The following CNNM2 variants were observed in gnomAD, a reference collection of about 807,000 sequenced individuals.
The protein encoded by CNNM2 is metal transporter CNNM2.
A neutral mutation model predicts 66.9 loss-of-function variants in CNNM2; 12 were observed. That is an observed-to-expected ratio of 0.18 (90% CI 0.11 to 0.29). The LOEUF is 0.29. Among genes scored for constraint, CNNM2 ranks in the 10% least tolerant of loss-of-function variants. CNNM2 has a pLI of 1.00. For synonymous variants in CNNM2, 557 were observed against 501.8 expected, an observed-to-expected ratio of 1.11 and a Z score of -1.47; for missense variants, 705 against 1,167.7, an observed-to-expected ratio of 0.60 and a Z score of 5.77.
At chr10:103,017,265 C>T (rs540421947) in intron 1 of CNNM2, among the ~76,000 whole-genome samples, 7 of 152,196 alleles carry the variant, frequency 4.6e-5, no homozygotes, top group South Asian at 2.1e-4. Flanking sequence ...AGCTAGTAGA[C>T]GAATGCATGA....
At chr10:102,960,857 C>T (rs564580948) in intron 1 of CNNM2, among the ~76,000 whole-genome samples, 8 of 137,732 alleles carry the variant, frequency 5.8e-5, no homozygotes, top group African/African-American at 1.6e-4. Flanking sequence ...ATGATCTTGG[C>T]TTACTACAAC....
chr10:103,076,999 T>C lies in CNNM2; in HGVS notation c.2447T>C (p.Leu816Ser). The change falls in exon 8 of 8, where the codon TTG (leucine) becomes TCG (serine). Residue 816 changes from leucine to serine, a missense_variant. Transcript: ENST00000369878. ...KISRQQYQNALMASRMDKTPQ... is the reference protein window; with the variant it reads ...KISRQQYQNASMASRMDKTPQ... ...TCAAGACAGCAATACCAAAATGCCTTGATGGCATCCCGGATGGACAAAACC... is the reference window on the plus strand; with the variant it reads ...TCAAGACAGCAATACCAAAATGCCTCGATGGCATCCCGGATGGACAAAACC... 1.2e-6 allele frequency: 2 copies of C among 1,613,954 alleles called. No homozygotes were observed. Among genetic ancestry groups the C allele is most frequent in the Non-Finnish European group, 1.7e-6 (2 of 1,179,894 alleles).
chr10:103,077,051 TA>T lies in CNNM2; in HGVS notation c.2503del (p.Ile835SerfsTer3). 1 of 1,613,940 alleles carries T rather than the reference TA, an allele frequency of 6.2e-7. No individual in the cohort carries two copies. Among genetic ancestry groups the T allele is most frequent in the Non-Finnish European group, 8.5e-7 (1 of 1,179,900 alleles). ...TPQSSDSENT[K>X]IELTLTELHD... Reference sequence around the variant, plus strand: ...CCCAGTCTTCAGACAGTGAAAACACTAAAATCGAATTGACTCTTACGGAGCT... The same window carrying T: ...CCCAGTCTTCAGACAGTGAAAACACTAAATCGAATTGACTCTTACGGAGCT... On this transcript the variant is annotated frameshift_variant, in exon 8 of 8. Transcript: ENST00000369878. LOFTEE classifies it high-confidence loss of function.
chr10:102,922,802 G>T (rs919448931), intron 1 of CNNM2, among the ~76,000 whole-genome samples: 8 of 152,016 alleles, frequency 5.3e-5, no homozygotes, highest in Non-Finnish European at 1.2e-4. Context: ...TTAGCTGGGC[G>T]TGGTGGTGTG....
intron 4 of CNNM2, among the ~76,000 whole-genome samples, chr10:103,060,887 C>A (rs2065374373): frequency 6.6e-6 from 1 of 151,788 alleles, no homozygotes; most frequent in East Asian, 1.9e-4. Flanking sequence ...AATAAAAGTC[C>A]TAAATAGCAA....
intron 1 of CNNM2, among the ~76,000 whole-genome samples, chr10:102,941,440 C>T (rs1846429848): frequency 6.9e-6 from 1 of 144,718 alleles, no homozygotes; most frequent in Non-Finnish European, 1.6e-5. Flanking sequence ...AAATAGCCAG[C>T]ATAAAAAAAA....
In CNNM2 at chr10:102,918,584, C is replaced by T. The variant is rs1261945146; in HGVS notation, c.104C>T (p.Ala35Val). Residue 35 changes from alanine (A) to valine (V), a missense_variant, in exon 1 of 8, where the codon GCT (alanine) becomes GTT (valine). Around this residue, in one of 9 missense-constraint regions of CNNM2, gnomAD observed 98 missense variants for 73.6 expected, o/e 1.33. Coordinates refer to ENST00000369878, the MANE Select transcript of CNNM2 (RefSeq NM_017649.5). The surrounding 1 kb of genome is among the most constrained non-coding windows in gnomAD (Gnocchi z 4.1). ...WKMAARRSLS[A>V]RGRGILQAAA... ...ATGGCGGCGCGCCGCAGCCTCAGCG[C>T]TCGCGGCCGGGGGATCCTGCAGGCG... The T allele has an allele frequency of 8.3e-6, 13 of 1,573,362 alleles. No homozygotes were observed. Among genetic ancestry groups the T allele is most frequent in the African/African-American group, 4.2e-5 (3 of 72,148 alleles).
chr10:103,004,440 A>G (rs567542861), intron 1 of CNNM2, among the ~76,000 whole-genome samples: 1 of 152,184 alleles, frequency 6.6e-6, no homozygotes, highest in African/African-American at 2.4e-5. Context: ...TGCATTTCTG[A>G]TAAGTGTGTG....
chr10:102,945,781 T>G (rs940800311), intron 1 of CNNM2, among the ~76,000 whole-genome samples: 1 of 152,236 alleles, frequency 6.6e-6, no homozygotes, highest in African/African-American at 2.4e-5. Flanking sequence ...AGACTCTATG[T>G]ATCCATGTTT....
intron 5 of CNNM2, among the ~76,000 whole-genome samples, chr10:103,069,574 G>C (rs982717585): frequency 2.6e-5 from 4 of 152,226 alleles, no homozygotes; most frequent in Admixed American, 2.0e-4. Flanking sequence ...GGCCAGGCGA[G>C]TCAGCCAGTT....
chr10:102,989,398 A>G (rs1344234926), intron 1 of CNNM2, among the ~76,000 whole-genome samples: 2 of 151,358 alleles, frequency 1.3e-5, no homozygotes, highest in Non-Finnish European at 2.9e-5. Flanking sequence ...TTTGGAGGTT[A>G]CTTCAACAAA....
intron 4 of CNNM2, among the ~76,000 whole-genome samples, chr10:103,057,444 T>C (rs904919390): frequency 4.0e-4 from 60 of 150,702 alleles, no homozygotes; most frequent in African/African-American, 1.4e-3. Flanking sequence ...CCAGCCTGGA[T>C]GACAGAGCAA....
chr10:103,028,315 C>T (rs926261860), intron 1 of CNNM2, among the ~76,000 whole-genome samples: 1 of 152,156 alleles, frequency 6.6e-6, no homozygotes, highest in Non-Finnish European at 1.5e-5. Context: ...ATTCAGTAAA[C>T]ACTTATCTTT....
rs754222358 is a variant in CNNM2, at chr10:103,089,696, TTCA to T, written c.*12525_*12527del. 9.9e-6 allele frequency: 16 copies of T among 1,609,620 alleles called. No homozygotes were observed. Among genetic ancestry groups the T allele is most frequent in the Admixed American group, 3.4e-5 (2 of 59,548 alleles). Reference sequence around the variant, plus strand: ...CTTATTCTTCCTCCTCCTCCTCCTCTTCATCATCATCTTCGTCATGGCAGTGTG... The same window carrying T: ...CTTATTCTTCCTCCTCCTCCTCCTCTTCATCATCTTCGTCATGGCAGTGTG... On this transcript the variant is annotated 3_prime_UTR_variant, in exon 8 of 8. Transcript: ENST00000369878.
At chr10:102,944,298 C>T (rs1460641439) in intron 1 of CNNM2, among the ~76,000 whole-genome samples, 2 of 151,898 alleles carry the variant, frequency 1.3e-5, no homozygotes, top group East Asian at 3.9e-4. Context: ...AGGCTGGCCT[C>T]GAACTCCTGA....
chr10:102,989,967 C>T (rs1250051632), intron 1 of CNNM2, among the ~76,000 whole-genome samples: 10 of 140,426 alleles, frequency 7.1e-5, no homozygotes, highest in Admixed American at 5.2e-4. Context: ...TTTTTTGAGA[C>T]AGAGTCTGGC....
rs1009188799 is a variant in CNNM2 at position 103,081,886 on chromosome 10, G to A, written c.*4706G>A. 3.9e-5 allele frequency: 6 copies of A among 152,236 alleles called. No homozygotes were observed. Among genetic ancestry groups the A allele is most frequent in the African/African-American group, 1.4e-4 (6 of 41,454 alleles). The allele number at this position is 152,236 out of a possible 1,614,324, so 9.4% of individuals were successfully genotyped here. ...TTTCCTCCCACCATCCTAGGCTGGG[G>A]ACCTTCTTTGCTTCTCACACCACTG... On this transcript the variant is annotated 3_prime_UTR_variant, in exon 8 of 8. Transcript: ENST00000369878.
Position 103,056,917 on chromosome 10 carries a change from C to T in CNNM2, c.2026C>T (p.Leu676Phe). ...GAACAAGAAAGCCCCCGAATACTACCTCTACCAGCGCAACAAGCCAGTAGA... is the reference window on the plus strand; with the variant it reads ...GAACAAGAAAGCCCCCGAATACTACTTCTACCAGCGCAACAAGCCAGTAGA... ...EKNKKAPEYY[L>F]YQRNKPVDYF... is the part of the protein sequence containing the mutation. Residue 676 changes from leucine to phenylalanine, a missense_variant, in exon 4 of 8, where the codon CTC becomes TTC. Physicochemically the swap from Leu to Phe is conservative, Grantham distance 22. This residue lies in a region of CNNM2 where 171 missense variants were observed against 304.8 expected (regional missense o/e 0.56). Transcript: ENST00000369878. 2.5e-6 allele frequency: 4 copies of T among 1,613,876 alleles called. No homozygotes were observed. The highest frequency in any genetic ancestry group is 3.4e-6 in the Non-Finnish European group (4 of 1,179,850).
At chr10:103,058,622 A>G (rs563713699) in intron 4 of CNNM2, among the ~76,000 whole-genome samples, 1 of 152,356 alleles carries the variant, frequency 6.6e-6, no homozygotes, top group South Asian at 2.1e-4. Flanking sequence ...ACATCTATGT[A>G]TATTTACCTG....
Sources: gnomAD v4.1 joint callset for allele counts (sites outside exome capture counted in the v4.1 genomes callset) on GRCh38, gnomAD v4.1.1 for gene constraint, gnomAD v4.1.1 regional missense constraint, Gnocchi (gnomAD v3.1) non-coding constraint, MANE v1.5 for transcripts, NCBI Gene and HGNC (gene_info 2026-07-23, HGNC 2026-07-21) for gene names.